KARS1: variants seen among roughly 807,000 people sequenced by gnomAD.
The protein encoded by KARS1 is lysine--tRNA ligase.
Under a neutral mutation model 63.9 loss-of-function variants are expected in KARS1, and 50 were observed. The ratio of observed to expected loss-of-function variants is 0.78; its 90% CI spans 0.62 to 0.99. The LOEUF (loss-of-function observed/expected upper bound fraction) is 0.99. Among genes scored for constraint, KARS1 ranks in the 50% least tolerant of loss-of-function variants. KARS1 has a pLI of 0.00. For synonymous variants in KARS1, 320 were observed against 264.6 expected, an observed-to-expected ratio of 1.21 and a Z score of -2.03; for missense variants, 816 against 754.5, an observed-to-expected ratio of 1.08 and a Z score of -0.95.
At chr16:75,646,800 C>T (rs1430237583) in intron 1 of KARS1, among the ~76,000 whole-genome samples, 2 of 152,012 alleles carry the variant, frequency 1.3e-5, no homozygotes, top group East Asian at 2.0e-4. Flanking sequence ...GTGCGCGCCA[C>T]GGGGATTAAG....
Position 75,631,501 on chromosome 16 carries a change from T to G in KARS1, c.1167A>C (p.Pro389=). 1 of 1,614,012 alleles carries G rather than the reference T, an allele frequency of 6.2e-7. No individual in the cohort carries two copies. Residue 389 remains proline (P), a synonymous_variant, in exon 9 of 14, where the codon CCA becomes CCC. Coordinates refer to ENST00000302445, the MANE Select transcript of KARS1 (RefSeq NM_005548.3). ...EGQAYDVDFT[P]PFRRINMVEE... ...CTACCATGTTGATTCGCCGGAAGGGTGGGGTGAAGTCAACATCGTAGGCTT... is the reference window on the plus strand; with the variant it reads ...CTACCATGTTGATTCGCCGGAAGGGGGGGGTGAAGTCAACATCGTAGGCTT...
In KARS1 at chr16:75,633,900, C is replaced by T. The variant is rs1341677897; in HGVS notation, c.915+273G>A. ...TAAATCAGATCTAATCCACGTAAGA[C>T]TTTATCTTAAAAGTTTTAGGGGAAC... On this transcript the variant is annotated intron_variant, in intron 7 of 13. Transcript: ENST00000302445. The T allele has an allele frequency of 1.9e-5, 8 of 411,986 alleles. No homozygotes were observed. In the East Asian group the frequency reaches 2.8e-4, roughly 15 times the overall value. The allele number at this position is 411,986 out of a possible 1,614,324, so 25.5% of individuals were successfully genotyped here.
At chr16:75,632,701 A>G (rs1323469087) in intron 7 of KARS1, among the ~76,000 whole-genome samples, 1 of 152,178 alleles carries the variant, frequency 6.6e-6, no homozygotes, top group Non-Finnish European at 1.5e-5. Context: ...TATGACTCAG[A>G]ATCATTCCTA....
chr16:75,628,140 T>C, intron 13 of KARS1, 147 bp from the exon 14 acceptor site: 1 of 698,344 alleles, frequency 1.4e-6, no homozygotes, highest in Non-Finnish European at 2.6e-6. Context: ...TGTTCTTTTA[T>C]TTCAACTCAG....
chr16:75,640,127 G>A (rs2082206759), intron 3 of KARS1, 57 bp downstream of exon 3: 1 of 1,482,278 alleles, frequency 6.7e-7, no homozygotes. Flanking sequence ...TTGTGCTACT[G>A]AAGCCGCAGG....
intron 3 of KARS1, among the ~76,000 whole-genome samples, chr16:75,638,463 C>T (rs1369084054): frequency 3.3e-5 from 5 of 151,920 alleles, no homozygotes; most frequent in Admixed American, 6.6e-5. Flanking sequence ...TCAACTCTCA[C>T]TTATGAGTGA....
At chr16:75,642,356 C>A (rs1243379132) in intron 1 of KARS1, among the ~76,000 whole-genome samples, 1 of 151,864 alleles carries the variant, frequency 6.6e-6, no homozygotes, top group African/African-American at 2.4e-5. Flanking sequence ...GTGTGTACCA[C>A]CACAGTCAAC....
chr16:75,634,703 G>A (rs2082145536), intron 6 of KARS1, among the ~76,000 whole-genome samples: 2 of 152,164 alleles, frequency 1.3e-5, no homozygotes. Flanking sequence ...AGACTCCAAA[G>A]TAGCTGGGAC....
intron 13 of KARS1, 84 bp from the exon 14 acceptor site, chr16:75,628,077 G>T: frequency 1.2e-6 from 1 of 843,720 alleles, no homozygotes; most frequent in Non-Finnish European, 2.1e-6. Flanking sequence ...TCTTGCCTCT[G>T]TTGTTACCAC....
At position 75,628,003 on chromosome 16, in the gene KARS1, A is replaced by G. The variant is rs2082070248; in HGVS notation, c.1696-10T>C. On this transcript the variant is annotated splice_polypyrimidine_tract_variant and intron_variant, in intron 13 of 13. Coordinates refer to ENST00000302445, the MANE Select transcript of KARS1 (RefSeq NM_005548.3). ...GAAACAGAAGTACTTCCTGTGGGAG[A>G]TAAGAATGTACCTTGAAGCTGAGAA... 2 of 1,497,210 alleles carry G rather than the reference A, an allele frequency of 1.3e-6. No homozygotes were observed. The highest frequency in any genetic ancestry group is 9.3e-7 in the Non-Finnish European group (1 of 1,073,666). 92.7% of individuals were successfully genotyped at this position (1,497,210 alleles called of 1,614,324 possible).
chr16:75,631,433 T>C lies in KARS1; in HGVS notation c.1235A>G (p.Asn412Ser). Residue 412 changes from asparagine to serine, a missense_variant, in exon 9 of 14, where the codon AAC becomes AGC. Physicochemically the swap from Asn to Ser is conservative, Grantham distance 46 (BLOSUM62 1). Coordinates refer to ENST00000302445, the MANE Select transcript of KARS1 (RefSeq NM_005548.3). ...CACTTTACCTTCAGTTTCAAAGAGGTTCGTTTCTGGCAGCTTCATCCCCAG... is the reference window on the plus strand; with the variant it reads ...CACTTTACCTTCAGTTTCAAAGAGGCTCGTTTCTGGCAGCTTCATCCCCAG... ...KALGMKLPET[N>S]LFETEETRKI... is the part of the protein sequence containing the mutation. 6.2e-7 allele frequency: 1 copy of C among 1,614,062 alleles called. No homozygotes were observed. The highest frequency in any genetic ancestry group is 8.5e-7 in the Non-Finnish European group (1 of 1,180,008).
At chr16:75,645,662 C>G (rs1416658998) in intron 1 of KARS1, among the ~76,000 whole-genome samples, 1 of 152,044 alleles carries the variant, frequency 6.6e-6, no homozygotes, top group African/African-American at 2.4e-5. Flanking sequence ...GCCTGGGCAA[C>G]AAGGTCAAAT....
chr16:75,633,102 A>C (rs1359920444), intron 7 of KARS1, among the ~76,000 whole-genome samples: 2 of 151,992 alleles, frequency 1.3e-5, no homozygotes, highest in East Asian at 3.9e-4. Context: ...AATTCCTAGA[A>C]CTCCTCTCTT....
At chr16:75,634,351 C>T (rs574224894) in intron 6 of KARS1, 59 bp from the exon 7 acceptor site, 2 of 1,561,446 alleles carry the variant, frequency 1.3e-6, no homozygotes, top group African/African-American at 1.4e-5. Context: ...GGGGACAGAC[C>T]ATGCTTTGCA....
chr16:75,643,497 C>T (rs959728403), intron 1 of KARS1, among the ~76,000 whole-genome samples: 1 of 151,946 alleles, frequency 6.6e-6, no homozygotes, highest in Non-Finnish European at 1.5e-5. Flanking sequence ...CCTGCCTCAG[C>T]CTCCGGAGTA....
At position 75,629,616 on chromosome 16, in the gene KARS1, T is replaced by C. The variant is rs756351295; in HGVS notation, c.1425-75A>G. 240 of 1,522,156 alleles carry C rather than the reference T, an allele frequency of 1.6e-4. 3 individuals are homozygous for C. In the South Asian group the frequency reaches 1.8e-3, roughly 11 times the overall value. The allele number at this position is 1,522,156 out of a possible 1,614,324, so 94.3% of individuals were successfully genotyped here. ...GCTAAATTTTGTTTTTTCTTTTTTT[T>C]TGAGACGGAGTCTCGCTCTGTCACG... On this transcript the variant is annotated intron_variant, in intron 11 of 13. Transcript: ENST00000302445.
Position 75,631,168 on chromosome 16 carries a change from C to T in KARS1, c.1338G>A (p.Lys446=). The T allele has an allele frequency of 1.9e-6, 3 of 1,612,994 alleles. No homozygotes were observed. The highest frequency in any genetic ancestry group is 2.2e-5 in the South Asian group (2 of 90,952). The change falls in exon 10 of 14, where the codon AAG becomes AAA. Residue 446 remains lysine, a splice_region_variant and synonymous_variant. Transcript: ENST00000302445. Reference sequence around the variant, plus strand: ...GTACAAGAAGGCAGGGCCTTCTCACCTTGTCAAGGAGCCTGGCTGTGGTCC... The same window carrying T: ...GTACAAGAAGGCAGGGCCTTCTCACTTTGTCAAGGAGCCTGGCTGTGGTCC... ...PPRTTARLLD[K]LVGEFLEVTC...
At chr16:75,628,093 T>C (rs535745141) in intron 13 of KARS1, 100 bp from the exon 14 acceptor site, 78 of 787,838 alleles carry the variant, frequency 9.9e-5, no homozygotes, top group Admixed American at 9.8e-4. Flanking sequence ...ACCACCAAAA[T>C]CCAGAGATTA....
chr16:75,638,641 A>T (rs1261740733), intron 3 of KARS1, among the ~76,000 whole-genome samples: 2 of 152,270 alleles, frequency 1.3e-5, no homozygotes, highest in African/African-American at 4.8e-5. Flanking sequence ...AATCTTTCAG[A>T]AAATGCAGAC....
Sources: gnomAD v4.1 joint callset for allele counts (sites outside exome capture counted in the v4.1 genomes callset) on GRCh38, gnomAD v4.1.1 for gene constraint, MANE v1.5 for transcripts, NCBI Gene and HGNC (gene_info 2026-07-23, HGNC 2026-07-21) for gene names.